Variants in HAUS1 observed in about 807,000 individuals in gnomAD.
The protein encoded by HAUS1 is HAUS augmin-like complex subunit 1.
Under a neutral mutation model 38.6 loss-of-function variants are expected in HAUS1, and 25 were observed. The observed-to-expected ratio is 0.65, with a 90% CI of 0.47 to 0.91. The LOEUF is 0.91. HAUS1 is among the 40% of genes least tolerant of loss of function. The pLI, the probability that HAUS1 is intolerant of heterozygous loss-of-function variation, is 0.00. For missense variants in HAUS1, 325 were observed against 328.4 expected, an observed-to-expected ratio of 0.99 and a Z score of 0.08; for synonymous variants, 109 against 112.9, an observed-to-expected ratio of 0.97 and a Z score of 0.22.
Position 46,105,247 on chromosome 18 carries a change from G to C in HAUS1, c.84G>C (p.Glu28Asp), listed in dbSNP as rs1304421515. 6.2e-7 allele frequency: 1 copy of C among 1,613,278 alleles called. No homozygotes were observed. The highest frequency in any genetic ancestry group is 1.3e-5 in the African/African-American group (1 of 74,850). The part of the protein sequence containing the change: ...IFGDHPIPQY[E>D]VNPRTTEILH... ...GAGATCATCCTATTCCACAGTATGAGGTGAACCCACGGACCACAGAGATTT... is the reference window on the plus strand; with the variant it reads ...GAGATCATCCTATTCCACAGTATGACGTGAACCCACGGACCACAGAGATTT... Residue 28 changes from glutamate to aspartate, a missense_variant, in exon 2 of 9, where the codon GAG (glutamate) becomes GAC (aspartate). Physicochemically the swap from Glu to Asp is conservative, Grantham distance 45 (BLOSUM62 2). Coordinates refer to ENST00000282058, the MANE Select transcript of HAUS1 (RefSeq NM_138443.4).
intron 4 of HAUS1, among the ~76,000 whole-genome samples, chr18:46,120,829 A>C (rs907509313): frequency 4.0e-5 from 6 of 151,810 alleles, no homozygotes; most frequent in Non-Finnish European, 8.8e-5. Flanking sequence ...CAAGTGGTCC[A>C]CCTGCCTTGG....
intron 6 of HAUS1, 43 bp from the exon 7 acceptor site, chr18:46,124,779 T>C: frequency 9.2e-7 from 1 of 1,085,450 alleles, no homozygotes; most frequent in African/African-American, 1.6e-5. Flanking sequence ...AGTTGCATTG[T>C]GAATGTTTCT....
At chr18:46,114,888 C>CTG (rs746362285) in intron 2 of HAUS1, among the ~76,000 whole-genome samples, 4 of 152,148 alleles carry the variant, frequency 2.6e-5, no homozygotes, top group Non-Finnish European at 4.4e-5. Context: ...TCTTCATTTG[C>CTG]TGTGTACCCT....
At position 46,123,317 on chromosome 18, in the gene HAUS1, G is replaced by A. The variant is rs201384968; in HGVS notation, c.619G>A (p.Gly207Ser). 1 of 1,611,972 alleles carries A rather than the reference G, an allele frequency of 6.2e-7. No individual in the cohort carries two copies. The highest frequency in any genetic ancestry group is 1.3e-5 in the African/African-American group (1 of 74,940). The change falls in exon 6 of 9, where the codon GGC (glycine) becomes AGC (serine). Residue 207 changes from glycine to serine, a missense_variant. Transcript: ENST00000282058. ...ATTGTAGGAGCAACTTTCAGCCAGA[G>A]GCATGGATGCTTCTCTGTCTCATCA... Reference protein sequence around the residue: ...KAAEEQLSARGMDASLSHQSL... With the variant: ...KAAEEQLSARSMDASLSHQSL...
At chr18:46,110,344 T>TGG (rs1911592760) in intron 2 of HAUS1, among the ~76,000 whole-genome samples, 1 of 129,586 alleles carries the variant, frequency 7.7e-6, no homozygotes, top group African/African-American at 2.9e-5. Flanking sequence ...TTTTTTTTTT[T>TGG]TTTTTTTTTT....
At chr18:46,113,220 G>A (rs1310231444) in intron 2 of HAUS1, among the ~76,000 whole-genome samples, 10 of 151,032 alleles carry the variant, frequency 6.6e-5, no homozygotes, top group African/African-American at 2.2e-4. Context: ...GGGACTACAG[G>A]CGTGCAACAC....
intron 2 of HAUS1, chr18:46,109,796 A>G (rs1911571972): frequency 6.6e-6 from 1 of 151,946 alleles, no homozygotes; most frequent in African/African-American, 2.4e-5. Flanking sequence ...TAATTTTTGT[A>G]TTCCTAGTAG....
intron 3 of HAUS1, among the ~76,000 whole-genome samples, chr18:46,119,693 G>C (rs1169021359): frequency 2.6e-5 from 4 of 152,182 alleles, no homozygotes; most frequent in Non-Finnish European, 5.9e-5. Flanking sequence ...GAAGGAGGTA[G>C]TTAATGCCAG....
chr18:46,120,459 C>T, intron 4 of HAUS1, among the ~76,000 whole-genome samples: 1 of 151,960 alleles, frequency 6.6e-6, no homozygotes, highest in African/African-American at 2.4e-5. Context: ...GTCTCGAACT[C>T]CCGACCTCAG....
chr18:46,115,178 G>A (rs1241694201), intron 2 of HAUS1: 1 of 152,104 alleles, frequency 6.6e-6, no homozygotes, highest in Non-Finnish European at 1.5e-5. Context: ...AATGAATAAA[G>A]CGCCTAAAAA....
chr18:46,114,990 A>C (rs1022660216), intron 2 of HAUS1: 1 of 152,038 alleles, frequency 6.6e-6, no homozygotes, highest in East Asian at 1.9e-4. Flanking sequence ...GGTCAGCCCA[A>C]CTCCCACACT....
chr18:46,126,801 T>TTTTATTTATTTA (rs34199777), intron 8 of HAUS1: 46 of 138,168 alleles, frequency 3.3e-4, no homozygotes, highest in Middle Eastern at 3.6e-3. Context: ...ATTTTTGCAT[T>TTTTATTTATTTA]TTTATTTATT....
At chr18:46,111,229 C>T (rs987023575) in intron 2 of HAUS1, among the ~76,000 whole-genome samples, 5 of 152,096 alleles carry the variant, frequency 3.3e-5, no homozygotes, top group Admixed American at 2.0e-4. Flanking sequence ...GTTCTCTTTA[C>T]ATTTATTTTA....
chr18:46,104,483 G>C, intron 1 of HAUS1, 42 bp downstream of exon 1: 1 of 1,447,034 alleles, frequency 6.9e-7, no homozygotes, highest in South Asian at 1.4e-5. Flanking sequence ...CCTGGAAAAC[G>C]CGTTTTTGAC....
chr18:46,124,991 G>C, intron 7 of HAUS1, 98 bp downstream of exon 7: 1 of 672,168 alleles, frequency 1.5e-6, no homozygotes, highest in Non-Finnish European at 2.6e-6. Flanking sequence ...CAGGCACGGT[G>C]GCTCACGCCT....
intron 4 of HAUS1, 104 bp downstream of exon 4, chr18:46,120,164 A>G (rs2144260619): frequency 1.4e-6 from 1 of 725,250 alleles, no homozygotes; most frequent in Admixed American, 3.1e-5. Context: ...AACATTAGGA[A>G]ATGGGATCCA....
At chr18:46,119,741 A>G (rs191046289) in intron 3 of HAUS1, among the ~76,000 whole-genome samples, 185 bp from the exon 4 acceptor site, 1 of 152,296 alleles carries the variant, frequency 6.6e-6, no homozygotes, top group East Asian at 1.9e-4. Context: ...GAAGGAACAA[A>G]TGGAACTTTG....
At chr18:46,123,255 T>C in intron 5 of HAUS1, 44 bp from the exon 6 acceptor site, 1 of 1,308,202 alleles carries the variant, frequency 7.6e-7, no homozygotes, top group Non-Finnish European at 1.1e-6. Flanking sequence ...GTGGTCACTT[T>C]TCAAATAATT....
chr18:46,109,012 A>G (rs1422088477), intron 2 of HAUS1, among the ~76,000 whole-genome samples: 1 of 150,512 alleles, frequency 6.6e-6, no homozygotes, highest in Non-Finnish European at 1.5e-5. Context: ...TGGAGCTTGC[A>G]GTATGCTGAG....
Sources: gnomAD v4.1 joint callset for allele counts (sites outside exome capture counted in the v4.1 genomes callset) on GRCh38, gnomAD v4.1.1 for gene constraint, MANE v1.5 for transcripts, NCBI Gene and HGNC (gene_info 2026-07-23, HGNC 2026-07-21) for gene names.